The following CDKL3 variants were observed in gnomAD, a reference collection of about 807,000 sequenced individuals.
The protein encoded by CDKL3 is cyclin dependent kinase like 3.
Under a neutral mutation model 69.3 loss-of-function variants are expected in CDKL3, and 65 were observed. The ratio of observed to expected loss-of-function variants is 0.94; its 90% CI spans 0.77 to 1.15. The LOEUF (loss-of-function observed/expected upper bound fraction) is 1.15, where lower values mean the gene tolerates loss of function less well. Among genes scored for constraint, CDKL3 ranks in the 50% most tolerant of loss-of-function variants. CDKL3 has a pLI of 0.00. For synonymous variants in CDKL3, 202 were observed against 221.6 expected (o/e 0.91, Z 0.79); for missense variants, 652 against 689.2 (o/e 0.95, Z 0.61).
intron 1 of CDKL3, 92 bp from the exon 2 acceptor site, chr5:134,366,636 C>T (rs1335842568): frequency 3.8e-6 from 3 of 798,782 alleles, no homozygotes; most frequent in Non-Finnish European, 3.8e-6. Context: ...AATAAACCCA[C>T]AGTCTCAAAT....
At chr5:134,336,886 T>C (rs898664565) in intron 4 of CDKL3, among the ~76,000 whole-genome samples, 2 of 152,226 alleles carry the variant, frequency 1.3e-5, no homozygotes, top group African/African-American at 4.8e-5. Flanking sequence ...GACGTTTAAG[T>C]CTGCAGAAGC....
chr5:134,302,231 G>A, intron 12 of CDKL3: 1 of 458,088 alleles, frequency 2.2e-6, no homozygotes, highest in African/African-American at 2.0e-5. Context: ...AACGAAGGAA[G>A]GAAGAGGCTT....
At chr5:134,313,840 AAG>A (rs1770251932) in intron 6 of CDKL3, among the ~76,000 whole-genome samples, 1 of 152,108 alleles carries the variant, frequency 6.6e-6, no homozygotes, top group Admixed American at 6.6e-5. Flanking sequence ...CTAGGTCTTT[AAG>A]ACTGCAACTA....
chr5:134,366,901 C>T (rs1050842687), intron 1 of CDKL3, 76 bp downstream of exon 1: 23 of 1,001,782 alleles, frequency 2.3e-5, no homozygotes, highest in Non-Finnish European at 2.6e-5. Flanking sequence ...TGCAGTCGCC[C>T]ACTTATCAGG....
At chr5:134,358,351 C>CA (rs1396089062) in intron 3 of CDKL3, among the ~76,000 whole-genome samples, 1 of 152,120 alleles carries the variant, frequency 6.6e-6, no homozygotes, top group East Asian at 1.9e-4. Context: ...AGCTACAGTT[C>CA]AAAATTCTAC....
chr5:134,312,617 C>A (rs186067588), intron 6 of CDKL3, among the ~76,000 whole-genome samples: 34 of 152,328 alleles, frequency 2.2e-4, no homozygotes, highest in African/African-American at 7.9e-4. Flanking sequence ...CTAGCCAAAA[C>A]AGAGGTCAGT....
At chr5:134,288,570 G>C (rs372794885) in intron 8 of CDKL3, among the ~76,000 whole-genome samples, 100 of 152,338 alleles carry the variant, frequency 6.6e-4, no homozygotes, top group African/African-American at 2.3e-3. Context: ...AACAAGAGTA[G>C]AGGACACTTT....
chr5:134,367,080 A>C lies in CDKL3; in HGVS notation c.-125T>G. 1 of 986,760 alleles carries C rather than the reference A, an allele frequency of 1.0e-6. No individual in the cohort carries two copies. The highest frequency in any genetic ancestry group is 1.2e-6 in the Non-Finnish European group (1 of 830,878). The allele number at this position is 986,760 out of a possible 1,614,324, so 61.1% of individuals were successfully genotyped here. A position where few individuals can be genotyped will look rare whatever the true frequency, so the allele number is the denominator to read the frequency against. ...GTCTGGCTCTGCGTAGTTCCAGTGG[A>C]GCCACCGAACACTGATACTACTTTG... On this transcript the variant is annotated 5_prime_UTR_variant, in exon 1 of 13. Coordinates refer to ENST00000265334, the MANE Select transcript of CDKL3 (RefSeq NM_001113575.2).
At chr5:134,371,054 T>C, upstream of CDKL3, 1 of 192,842 alleles carries the variant, frequency 5.2e-6, no homozygotes, top group Non-Finnish European at 1.1e-5. Context: ...AAACGCGTCA[T>C]AGGGACACGT....
intron 8 of CDKL3, among the ~76,000 whole-genome samples, chr5:134,289,898 C>A (rs1416079733): frequency 6.6e-6 from 1 of 152,182 alleles, no homozygotes; most frequent in East Asian, 1.9e-4. Context: ...TTCTACCCCA[C>A]CGGTAAAATT....
At chr5:134,335,034 T>G (rs1344025376) in intron 4 of CDKL3, among the ~76,000 whole-genome samples, 1 of 152,220 alleles carries the variant, frequency 6.6e-6, no homozygotes, top group African/African-American at 2.4e-5. Flanking sequence ...TAGTTAGCTC[T>G]TCTTGTTGAA....
intron 8 of CDKL3, among the ~76,000 whole-genome samples, chr5:134,287,978 T>A (rs1225567748): frequency 6.7e-6 from 1 of 149,138 alleles, no homozygotes; most frequent in Non-Finnish European, 1.5e-5. Context: ...CACCACAACC[T>A]CTGCCTCCCA....
At chr5:134,342,248 T>C (rs1486734316) in intron 4 of CDKL3, among the ~76,000 whole-genome samples, 1 of 152,204 alleles carries the variant, frequency 6.6e-6, no homozygotes, top group Non-Finnish European at 1.5e-5. Context: ...TACTTAAGAA[T>C]AAATTTTACA....
chr5:134,296,229 T>A, downstream of CDKL3, among the ~76,000 whole-genome samples: 1 of 151,776 alleles, frequency 6.6e-6, no homozygotes, highest in African/African-American at 2.4e-5. Context: ...GAATATGTCA[T>A]CCAAAAGACC....
At chr5:134,336,835 T>C (rs939876057) in intron 4 of CDKL3, among the ~76,000 whole-genome samples, 2 of 152,224 alleles carry the variant, frequency 1.3e-5, no homozygotes, top group South Asian at 2.1e-4. Flanking sequence ...TCAGATGTCA[T>C]GCTGGCAGAA....
chr5:134,304,609 C>A, intron 10 of CDKL3, 42 bp from the exon 11 acceptor site: 2 of 1,513,274 alleles, frequency 1.3e-6, no homozygotes, highest in Non-Finnish European at 1.8e-6. Context: ...ATGTGTCTAA[C>A]TATTTGTAGA....
intron 4 of CDKL3, among the ~76,000 whole-genome samples, chr5:134,328,831 A>G (rs1366231826): frequency 6.6e-6 from 1 of 152,206 alleles, no homozygotes; most frequent in South Asian, 2.1e-4. Context: ...AATGGAGACC[A>G]GTAGATAGTG....
chr5:134,316,117 T>C (rs1038008420), intron 6 of CDKL3, among the ~76,000 whole-genome samples: 1 of 152,024 alleles, frequency 6.6e-6, no homozygotes, highest in Admixed American at 6.6e-5. Context: ...TGTGCCTGGC[T>C]AGTTTTTTGT....
chr5:134,287,625 T>C (rs1162125531), intron 8 of CDKL3, among the ~76,000 whole-genome samples: 1 of 152,232 alleles, frequency 6.6e-6, no homozygotes, highest in Admixed American at 6.5e-5. Flanking sequence ...CCTACTTGTT[T>C]GCATGAGTTT....
Sources: allele counts gnomAD v4.1 joint callset (sites outside exome capture counted in the v4.1 genomes callset), GRCh38; gene constraint gnomAD v4.1.1; transcripts MANE v1.5; gene names NCBI Gene and HGNC (gene_info 2026-07-23, HGNC 2026-07-21).